The following MATN2 variants were observed in gnomAD, a reference collection of about 807,000 sequenced individuals.
The protein encoded by MATN2 is matrilin-2.
MATN2 carries 69 observed loss-of-function variants against 103.2 expected under a neutral mutation model. That is an observed-to-expected ratio of 0.67 (90% confidence interval 0.55 to 0.82). The LOEUF (loss-of-function observed/expected upper bound fraction) is 0.82, where lower values mean the gene tolerates loss of function less well. MATN2 is among the 40% of genes least tolerant of loss of function. The pLI is 0.00. For synonymous variants in MATN2, 429 were observed against 450.2 expected (o/e 0.95, Z 0.60); for missense variants, 1,023 against 1,211.5 (o/e 0.84, Z 2.31).
intron 6 of MATN2, among the ~76,000 whole-genome samples, chr8:97,979,440 C>T (rs1289928113): frequency 2.0e-5 from 3 of 152,134 alleles, no homozygotes; most frequent in Admixed American, 6.5e-5. Context: ...TCTGGTGGAC[C>T]GCAGTTTGCA....
intron 7 of MATN2, among the ~76,000 whole-genome samples, chr8:98,001,548 T>C (rs1281507462): frequency 1.4e-5 from 2 of 147,386 alleles, no homozygotes; most frequent in African/African-American, 5.0e-5. Flanking sequence ...CACTGCAACC[T>C]CTGCCTCCTG....
At chr8:98,014,277 T>G (rs757101610) in intron 10 of MATN2, among the ~76,000 whole-genome samples, 33 of 151,112 alleles carry the variant, frequency 2.2e-4, no homozygotes, top group South Asian at 4.2e-4. Context: ...AGTAGTAGTA[T>G]TATAAATTCA....
chr8:97,914,832 C>T (rs1259224097), intron 2 of MATN2, among the ~76,000 whole-genome samples: 2 of 152,310 alleles, frequency 1.3e-5, no homozygotes, highest in Non-Finnish European at 2.9e-5. Context: ...CCTAAATGCA[C>T]ACCCCAGCTT....
chr8:97,885,517 C>T (rs142491965), intron 1 of MATN2, among the ~76,000 whole-genome samples: 73 of 152,268 alleles, frequency 4.8e-4, no homozygotes, highest in African/African-American at 1.5e-3. Context: ...AATAGCAAGG[C>T]AGCTTGAAAG....
At chr8:97,960,806 G>GT (rs150119017) in intron 4 of MATN2, among the ~76,000 whole-genome samples, 3,196 of 151,970 alleles carry the variant, frequency 0.021, 126 homozygotes, top group African/African-American at 0.073. Context: ...TGAAAAATGT[G>GT]TTTTTTTTAT....
At chr8:98,032,923 G>T in intron 16 of MATN2, 119 bp from the exon 17 acceptor site, 1 of 833,586 alleles carries the variant, frequency 1.2e-6, no homozygotes. Context: ...GCTTCAGTAT[G>T]TCCCAAAGTA....
In MATN2 at chr8:97,968,642, C is replaced by T. The variant is rs75776145; in HGVS notation, c.958+7112C>T. ...CTTTGCTAAGGCATAGAATTGGTGA[C>T]CTTTACTCCAGTTCCCAATAAATTC... On this transcript the variant is annotated intron_variant, in intron 5 of 18. Transcript: ENST00000254898. 7.7e-3 allele frequency among the ~76,000 whole-genome samples: 1,180 copies of T among 152,324 alleles called. 15 individuals are homozygous for T. Among genetic ancestry groups the T allele is most frequent in the African/African-American group, 0.027 (1,126 of 41,562 alleles).
intron 1 of MATN2, among the ~76,000 whole-genome samples, chr8:97,886,109 T>C (rs146261201): frequency 6.6e-6 from 1 of 152,088 alleles, no homozygotes; most frequent in Non-Finnish European, 1.5e-5. Flanking sequence ...ATGAACCCTA[T>C]CATGAACTGC....
intron 2 of MATN2, among the ~76,000 whole-genome samples, chr8:97,917,973 T>A (rs954591172): frequency 6.6e-6 from 1 of 152,064 alleles, no homozygotes; most frequent in African/African-American, 2.4e-5. Flanking sequence ...TAGTCTCAGC[T>A]ACTCTGGAGG....
intron 2 of MATN2, among the ~76,000 whole-genome samples, chr8:97,907,831 C>T (rs1819231359): frequency 6.6e-6 from 1 of 152,130 alleles, no homozygotes; most frequent in African/African-American, 2.4e-5. Flanking sequence ...TTCATTAGCG[C>T]TGTTATTGTT....
In MATN2 at chr8:97,888,043, C is replaced by G. The variant is rs945027581; in HGVS notation, c.-26-32C>G. On this transcript the variant is annotated intron_variant, in intron 1 of 18. Transcript: ENST00000254898. ...GTTCAGGGAGACCCGGAAATCTCAC[C>G]CTGCCCTCTTCTTGTGTTGTGTTTG... 20 of 1,579,976 alleles carry G rather than the reference C, an allele frequency of 1.3e-5. No homozygotes were observed. The Admixed American group carries it at 3.6e-4, about 28-fold the overall frequency.
Position 98,030,618 on chromosome 8 carries a change from C to T in MATN2, c.2509+4C>T. On this transcript the variant is annotated splice_donor_region_variant and intron_variant, in intron 15 of 18. Coordinates refer to ENST00000254898, the MANE Select transcript of MATN2 (RefSeq NM_002380.5). ...CTCAAGAAAGGCATCTGTGAAGGTA[C>T]TATAGCTTACGCCGAAGACCTTAGC... 1 of 1,611,508 alleles carries T rather than the reference C, an allele frequency of 6.2e-7. No homozygotes were observed. The highest frequency in any genetic ancestry group is 8.5e-7 in the Non-Finnish European group (1 of 1,179,208).
chr8:97,931,682 T>G lies in MATN2; in HGVS notation c.712+160T>G, dbSNP rs1810204547. Among the ~76,000 whole-genome samples, 1 of 152,152 alleles carries G rather than the reference T, an allele frequency of 6.6e-6. No homozygotes were observed. The highest frequency in any genetic ancestry group is 1.5e-5 in the Non-Finnish European group (1 of 68,028). Reference sequence around the variant, plus strand: ...ACAACGTGCTCCAGGGGCTTACACTTTGGCCAAGAGACACATGTTTTTATT... The same window carrying G: ...ACAACGTGCTCCAGGGGCTTACACTGTGGCCAAGAGACACATGTTTTTATT... On this transcript the variant is annotated intron_variant, in intron 3 of 18. Transcript: ENST00000254898. The surrounding 1 kb of genome is among the most constrained non-coding windows in gnomAD (Gnocchi z 4.1).
intron 2 of MATN2, among the ~76,000 whole-genome samples, chr8:97,888,712 C>T (rs1210724074): frequency 6.6e-6 from 1 of 152,110 alleles, no homozygotes; most frequent in Non-Finnish European, 1.5e-5. Flanking sequence ...TCATCTGATC[C>T]AGTGAACATT....
chr8:98,021,214 T>A lies in MATN2; in HGVS notation c.1829T>A (p.Val610Asp). 1 of 1,613,496 alleles carries A rather than the reference T, an allele frequency of 6.2e-7. No homozygotes were observed. Among genetic ancestry groups the A allele is most frequent in the Non-Finnish European group, 8.5e-7 (1 of 1,179,520 alleles). ...EDGKRCRRKD[V>D]CKSTHHGCEH... ...CCTACATTTTCCTCAGGGAAGGATG[T>A]CTGCAAATCAACCCACCATGGCTGC... Residue 610 changes from valine to aspartate, a missense_variant, in exon 13 of 19, where the codon GTC (valine) becomes GAC (aspartate). Transcript: ENST00000254898.
intron 17 of MATN2, 32 bp downstream of exon 17, chr8:98,033,208 A>C (rs772915919): frequency 6.4e-7 from 1 of 1,558,680 alleles, no homozygotes; most frequent in South Asian, 1.2e-5. Context: ...CTATAAGATA[A>C]CTTGATCTCA....
chr8:97,944,901 G>A (rs892045286), intron 4 of MATN2, among the ~76,000 whole-genome samples: 1 of 152,148 alleles, frequency 6.6e-6, no homozygotes, highest in African/African-American at 2.4e-5. Context: ...AAAGCCATGT[G>A]GGTGACACCT....
chr8:97,914,218 G>A (rs1020439244), intron 2 of MATN2, among the ~76,000 whole-genome samples: 3 of 152,084 alleles, frequency 2.0e-5, no homozygotes, highest in Admixed American at 2.0e-4. Flanking sequence ...GGTCAGGCCT[G>A]GAGAGATTGG....
At position 98,021,189 on chromosome 8, in the gene MATN2, C is replaced by T. The variant is rs1280745495; in HGVS notation, c.1820-16C>T. 14 of 1,612,000 alleles carry T rather than the reference C, an allele frequency of 8.7e-6. No individual in the cohort carries two copies. Among genetic ancestry groups the T allele is most frequent in the Non-Finnish European group, 1.2e-5 (14 of 1,178,546 alleles). On this transcript the variant is annotated splice_polypyrimidine_tract_variant and intron_variant, in intron 12 of 18. Coordinates refer to ENST00000254898, the MANE Select transcript of MATN2 (RefSeq NM_002380.5). The stretch of plus-strand genomic sequence containing the variant: ...CTACACTGATGGGATTGTTCAACTC[C>T]CTACATTTTCCTCAGGGAAGGATGT...
Sources: gnomAD v4.1 joint callset for allele counts (sites outside exome capture counted in the v4.1 genomes callset) on GRCh38, gnomAD v4.1.1 for gene constraint, Gnocchi (gnomAD v3.1) non-coding constraint, MANE v1.5 for transcripts, NCBI Gene and HGNC (gene_info 2026-07-23, HGNC 2026-07-21) for gene names.